KLHL13: variants seen among roughly 807,000 people sequenced by gnomAD.
KLHL13 encodes kelch-like protein 13.
KLHL13 carries 10 observed loss-of-function variants against 37.1 expected under a neutral mutation model. The ratio of observed to expected loss-of-function variants is 0.27; its 90% CI spans 0.17 to 0.46. The LOEUF (loss-of-function observed/expected upper bound fraction) is 0.46, where lower values mean the gene tolerates loss of function less well. Among genes scored for constraint, KLHL13 ranks in the 20% least tolerant of loss-of-function variants. KLHL13 has a pLI of 1.00. For synonymous variants in KLHL13, 163 were observed against 181.2 expected, an observed-to-expected ratio of 0.90 and a Z score of 0.81; for missense variants, 360 against 509.3, an observed-to-expected ratio of 0.71 and a Z score of 2.82.
At chrX:117,918,213 A>C (rs1319460372) in intron 4 of KLHL13, among the ~76,000 whole-genome samples, 1 of 111,914 alleles carries the variant, frequency 8.9e-6, no homozygotes, top group Non-Finnish European at 1.9e-5. Context: ...ATTAGTTCAA[A>C]TTTTATAAGT....
intron 1 of KLHL13, among the ~76,000 whole-genome samples, chrX:118,043,575 G>A (rs752147163): frequency 4.5e-5 from 5 of 111,639 alleles, no homozygotes; most frequent in African/African-American, 1.6e-4. Context: ...ATGCAAGGAT[G>A]GTTCAACATA....
intron 1 of KLHL13, among the ~76,000 whole-genome samples, chrX:118,013,580 A>G (rs1031721785): frequency 1.8e-5 from 2 of 112,242 alleles, no homozygotes; most frequent in African/African-American, 6.5e-5. Flanking sequence ...GGTCGAGGAA[A>G]CTAAAGGAAA....
Position 118,070,461 on chromosome X carries a change from T to A in KLHL13, c.-56+46047A>T, listed in dbSNP as rs192641967. On this transcript the variant is annotated intron_variant, in intron 1 of 6. Transcript: ENST00000371882. Reference sequence around the variant, plus strand: ...TGCACAGTAACCAGAGAATATACTCTAATTTTCAGTCCTTTCACTAGTTGT... The same window carrying A: ...TGCACAGTAACCAGAGAATATACTCAAATTTTCAGTCCTTTCACTAGTTGT... Among the ~76,000 whole-genome samples, 333 of 112,160 alleles carry A rather than the reference T, an allele frequency of 3.0e-3. 2 individuals carry two copies. The highest frequency in any genetic ancestry group is 0.01 in the African/African-American group (321 of 30,913).
At chrX:118,006,602 A>T (rs753656002) in intron 1 of KLHL13, among the ~76,000 whole-genome samples, 1 of 112,364 alleles carries the variant, frequency 8.9e-6, no homozygotes, top group South Asian at 3.7e-4. Context: ...CTCTGCCTTC[A>T]GCTCCTTTCA....
intron 1 of KLHL13, among the ~76,000 whole-genome samples, chrX:118,031,539 A>AT (rs766452430): frequency 0.06 from 4,965 of 82,228 alleles, 442 homozygotes; most frequent in African/African-American, 0.24. Context: ...TTATATATAT[A>AT]TTAGTTATAT....
intron 4 of KLHL13, among the ~76,000 whole-genome samples, chrX:117,912,490 C>T (rs1272454378): frequency 9.0e-6 from 1 of 111,553 alleles, no homozygotes; most frequent in Non-Finnish European, 1.9e-5. Flanking sequence ...CAAATTTATC[C>T]AGTGAGAAAA....
chrX:118,036,257 T>C (rs1233121394), intron 1 of KLHL13, among the ~76,000 whole-genome samples: 8 of 110,421 alleles, frequency 7.2e-5, no homozygotes, highest in Admixed American at 2.9e-4. Flanking sequence ...AAAGTTCATA[T>C]GGAACCAAAA....
chrX:118,022,475 T>G (rs2054228115), intron 1 of KLHL13, among the ~76,000 whole-genome samples: 1 of 111,619 alleles, frequency 9.0e-6, no homozygotes, highest in Non-Finnish European at 1.9e-5. Context: ...AAGGGTTCTC[T>G]TCTCTACATC....
chrX:118,107,147 T>C (rs1178540366), intron 1 of KLHL13, among the ~76,000 whole-genome samples: 1 of 112,267 alleles, frequency 8.9e-6, no homozygotes, highest in Non-Finnish European at 1.9e-5. Context: ...TAGTATACAT[T>C]ATCCTGCATA....
intron 1 of KLHL13, among the ~76,000 whole-genome samples, chrX:118,098,625 C>T (rs1419088940): frequency 1.1e-3 from 117 of 107,647 alleles, no homozygotes; most frequent in Non-Finnish European, 1.6e-3. Context: ...CACATGCACA[C>T]GTATGTTTAT....
intron 5 of KLHL13, among the ~76,000 whole-genome samples, chrX:117,902,486 T>A (rs1230384115): frequency 8.9e-6 from 1 of 112,008 alleles, no homozygotes; most frequent in Non-Finnish European, 1.9e-5. Context: ...TCTACATTTA[T>A]ACTTTAAAGC....
chrX:118,035,119 G>C (rs1193752255), intron 1 of KLHL13, among the ~76,000 whole-genome samples: 2 of 104,197 alleles, frequency 1.9e-5, no homozygotes, highest in Non-Finnish European at 3.8e-5. Flanking sequence ...CAACCAAAAA[G>C]AGTCCAGGAC....
At chrX:118,071,854 T>C (rs1457316048) in intron 1 of KLHL13, among the ~76,000 whole-genome samples, 13 of 103,610 alleles carry the variant, frequency 1.3e-4, no homozygotes, top group African/African-American at 4.6e-4. Flanking sequence ...GGAAGAACAT[T>C]CCATGCTCAT....
At chrX:117,976,065 T>G (rs1264469594), upstream of KLHL13, among the ~76,000 whole-genome samples, 1 of 111,454 alleles carries the variant, frequency 9.0e-6, no homozygotes, top group Admixed American at 9.6e-5. Flanking sequence ...TAATATTTAA[T>G]ATTTGTTTTT....
chrX:118,004,103 TA>T (rs755254619), intron 1 of KLHL13, among the ~76,000 whole-genome samples: 58 of 111,268 alleles, frequency 5.2e-4, no homozygotes, highest in South Asian at 1.5e-3. Context: ...GGTCAAATAA[TA>T]AGAGACATGT....
intron 1 of KLHL13, among the ~76,000 whole-genome samples, chrX:118,088,777 ATTTCT>A (rs2055083157): frequency 9.0e-6 from 1 of 111,547 alleles, no homozygotes; most frequent in Non-Finnish European, 1.9e-5. Context: ...TTTTTTCCTT[ATTTCT>A]CCTACAAAAT....
chrX:117,967,372 A>G (rs918417363), intron 1 of KLHL13, among the ~76,000 whole-genome samples: 2 of 111,563 alleles, frequency 1.8e-5, no homozygotes, highest in African/African-American at 6.5e-5. Flanking sequence ...GCAAGTTATT[A>G]GCACAAATAC....
intron 1 of KLHL13, among the ~76,000 whole-genome samples, chrX:117,953,299 G>A (rs914085134): frequency 7.4e-4 from 82 of 110,289 alleles, no homozygotes; most frequent in Middle Eastern, 4.7e-3. Flanking sequence ...GTAAACTATC[G>A]CAAGGAAAAA....
At chrX:117,984,723 A>G (rs1223054496) in intron 1 of KLHL13, among the ~76,000 whole-genome samples, 1 of 111,447 alleles carries the variant, frequency 9.0e-6, no homozygotes, top group Non-Finnish European at 1.9e-5. Context: ...AATAGGTCAA[A>G]TTCATATCTG....
Sources: allele counts gnomAD v4.1 joint callset (sites outside exome capture counted in the v4.1 genomes callset), GRCh38; gene constraint gnomAD v4.1.1; transcripts MANE v1.5; gene names NCBI Gene and HGNC (gene_info 2026-07-23, HGNC 2026-07-21).